The following CMSS1 variants were observed in gnomAD, a reference collection of about 807,000 sequenced individuals.
The protein encoded by CMSS1 is protein CMSS1.
Under a neutral mutation model 43.5 loss-of-function variants are expected in CMSS1, and 33 were observed. That is an observed-to-expected ratio of 0.76 (90% CI 0.57 to 1.01). The LOEUF (loss-of-function observed/expected upper bound fraction) is 1.01, where lower values mean the gene tolerates loss of function less well. Among genes scored for constraint, CMSS1 ranks in the 50% least tolerant of loss-of-function variants. The pLI, the probability that CMSS1 is intolerant of heterozygous loss-of-function variation, is 0.00. For missense variants in CMSS1, 313 were observed against 326.4 expected (o/e 0.96, Z 0.32); for synonymous variants, 115 against 117.2 (o/e 0.98, Z 0.12).
intron 1 of CMSS1, among the ~76,000 whole-genome samples, chr3:100,118,641 A>G (rs750938354): frequency 2.6e-5 from 4 of 152,174 alleles, no homozygotes; most frequent in African/African-American, 4.8e-5. Flanking sequence ...TTAAAATTCC[A>G]TCTCCGTTTA....
intron 1 of CMSS1, chr3:99,925,926 CAT>C: frequency 1.0e-6 from 1 of 978,120 alleles, no homozygotes; most frequent in Non-Finnish European, 1.2e-6. Context: ...ACCAGAAAAA[CAT>C]GTTGGCAAGA....
At chr3:100,111,896 A>G (rs1419960792) in intron 1 of CMSS1, among the ~76,000 whole-genome samples, 1 of 152,202 alleles carries the variant, frequency 6.6e-6, no homozygotes, top group Non-Finnish European at 1.5e-5. Context: ...CTCCATATCT[A>G]TGTTGAACAA....
intron 1 of CMSS1, chr3:99,848,523 G>A (rs1181312640): frequency 6.2e-7 from 1 of 1,614,076 alleles, no homozygotes; most frequent in African/African-American, 1.3e-5. Context: ...TCACACTTGA[G>A]CTATTGCTGT....
intron 4 of CMSS1, among the ~76,000 whole-genome samples, chr3:100,164,750 A>G (rs1190831292): frequency 1.3e-5 from 2 of 152,124 alleles, no homozygotes; most frequent in East Asian, 3.9e-4. Context: ...TCAAGGAGGG[A>G]CATAAATCCC....
intron 1 of CMSS1, among the ~76,000 whole-genome samples, chr3:100,074,547 A>G (rs2065815591): frequency 6.6e-6 from 1 of 152,130 alleles, no homozygotes; most frequent in Non-Finnish European, 1.5e-5. Flanking sequence ...TGGCAAAATT[A>G]TAATAAAATA....
At chr3:100,098,828 A>G (rs2066256881) in intron 1 of CMSS1, among the ~76,000 whole-genome samples, 1 of 152,214 alleles carries the variant, frequency 6.6e-6, no homozygotes, top group African/African-American at 2.4e-5. Flanking sequence ...AGGGATCTCA[A>G]ATGGCTTCCT....
intron 1 of CMSS1, among the ~76,000 whole-genome samples, chr3:100,004,128 G>A (rs1159130426): frequency 6.6e-6 from 1 of 152,108 alleles, no homozygotes; most frequent in Non-Finnish European, 1.5e-5. Context: ...CCTGCATGAT[G>A]CCTTCCTAGG....
At chr3:99,901,494 T>C (rs1026349357) in intron 1 of CMSS1, among the ~76,000 whole-genome samples, 7 of 152,204 alleles carry the variant, frequency 4.6e-5, no homozygotes, top group African/African-American at 1.7e-4. Flanking sequence ...ATGAAACTGA[T>C]TGAGTGTTTC....
At chr3:99,829,449 C>A (rs1287857067) in intron 1 of CMSS1, among the ~76,000 whole-genome samples, 1 of 152,112 alleles carries the variant, frequency 6.6e-6, no homozygotes, top group East Asian at 1.9e-4. Flanking sequence ...TGTTTGAATT[C>A]AACATTTTGT....
intron 1 of CMSS1, among the ~76,000 whole-genome samples, chr3:99,957,620 G>T (rs1708359703): frequency 6.8e-6 from 1 of 146,956 alleles, no homozygotes; most frequent in African/African-American, 2.5e-5. Context: ...CTGCAGAGTA[G>T]TTCAGCCGTC....
At chr3:99,925,336 A>T (rs1486731126) in intron 1 of CMSS1, among the ~76,000 whole-genome samples, 1 of 152,190 alleles carries the variant, frequency 6.6e-6, no homozygotes, top group Non-Finnish European at 1.5e-5. Context: ...TGTGGCTGAT[A>T]CATGTGTTTG....
intron 1 of CMSS1, among the ~76,000 whole-genome samples, chr3:99,836,756 C>A (rs1464002720): frequency 6.6e-6 from 1 of 152,200 alleles, no homozygotes; most frequent in Non-Finnish European, 1.5e-5. Context: ...GTGATTGAAC[C>A]ACTATCCAGG....
intron 1 of CMSS1, among the ~76,000 whole-genome samples, chr3:99,866,281 T>A (rs13097830): frequency 0.053 from 8,132 of 152,206 alleles, 316 homozygotes; most frequent in Middle Eastern, 0.085. Context: ...CGTACCAGAA[T>A]GGATAAGTTC....
intron 6 of CMSS1, among the ~76,000 whole-genome samples, chr3:100,168,087 A>G (rs2067079762): frequency 6.6e-6 from 1 of 152,232 alleles, no homozygotes; most frequent in East Asian, 1.9e-4. Context: ...GATCAGGACT[A>G]CTTTTAAAAG....
chr3:99,904,161 A>G (rs537997880), intron 1 of CMSS1, among the ~76,000 whole-genome samples: 13 of 152,296 alleles, frequency 8.5e-5, no homozygotes, highest in Non-Finnish European at 1.8e-4. Context: ...TGTTTTTGTT[A>G]TTATTGCTCT....
intron 1 of CMSS1, among the ~76,000 whole-genome samples, chr3:100,104,277 C>A (rs1202663952): frequency 6.6e-6 from 1 of 152,200 alleles, no homozygotes; most frequent in African/African-American, 2.4e-5. Flanking sequence ...TGGGATGGCT[C>A]ACCCTGACCT....
rs1316195004 is a variant in CMSS1, at chr3:100,179,825, TC to T, written c.*1441del. 1.3e-5 allele frequency: 2 copies of T among 152,260 alleles called. No individual in the cohort carries two copies. Among genetic ancestry groups the T allele is most frequent in the Non-Finnish European group, 2.9e-5 (2 of 68,092 alleles). 9.4% of individuals were successfully genotyped at this position (152,260 alleles called of 1,614,324 possible). On this transcript the variant is annotated 3_prime_UTR_variant, in exon 10 of 10. Transcript: ENST00000421999. ...TGTGTAGGGTCTCCAACCCCACATTTCCCCTCTGCACTGCCCTAGTAGAGGC... is the reference window on the plus strand; with the variant it reads ...TGTGTAGGGTCTCCAACCCCACATTTCCCTCTGCACTGCCCTAGTAGAGGC...
chr3:99,975,651 C>G (rs917314900), intron 1 of CMSS1, among the ~76,000 whole-genome samples: 1 of 151,822 alleles, frequency 6.6e-6, no homozygotes, highest in African/African-American at 2.4e-5. Flanking sequence ...CTAGGGTAAA[C>G]AACAGAACTG....
chr3:99,935,507 C>A (rs1428109960), intron 1 of CMSS1, among the ~76,000 whole-genome samples: 1 of 152,092 alleles, frequency 6.6e-6, no homozygotes, highest in African/African-American at 2.4e-5. Context: ...TTTAATTAGC[C>A]AGGGTCTGTG....
Sources: allele counts gnomAD v4.1 joint callset (sites outside exome capture counted in the v4.1 genomes callset), GRCh38; gene constraint gnomAD v4.1.1; transcripts MANE v1.5; gene names NCBI Gene and HGNC (gene_info 2026-07-23, HGNC 2026-07-21).